KANK1: variants seen among roughly 807,000 people sequenced by gnomAD.
KANK1 encodes the protein KN motif and ankyrin repeat domain-containing protein 1.
Under a neutral mutation model 106.2 loss-of-function variants are expected in KANK1, and 109 were observed. The ratio of observed to expected loss-of-function variants is 1.03; its 90% confidence interval spans 0.88 to 1.20. The LOEUF (loss-of-function observed/expected upper bound fraction) is 1.20, where lower values mean the gene tolerates loss of function less well. KANK1 is among the 50% of genes most tolerant of loss of function. The pLI is 0.00. For synonymous variants in KANK1, 873 were observed against 652.2 expected (o/e 1.34, Z -5.16); for missense variants, 2,399 against 1,710.7 (o/e 1.40, Z -7.10).
intron 1 of KANK1, among the ~76,000 whole-genome samples, chr9:531,390 C>T (rs970399550): frequency 2.6e-5 from 4 of 152,102 alleles, no homozygotes; most frequent in African/African-American, 7.2e-5. Flanking sequence ...GTAATTGTAC[C>T]CCTACACTCC....
At chr9:516,102 C>G (rs2059267134) in intron 1 of KANK1, among the ~76,000 whole-genome samples, 1 of 151,494 alleles carries the variant, frequency 6.6e-6, no homozygotes, top group Non-Finnish European at 1.5e-5. Flanking sequence ...GATCAGGGGA[C>G]AGACACAAGG....
At chr9:590,427 CCAGA>C (rs745528552) in intron 1 of KANK1, among the ~76,000 whole-genome samples, 2 of 152,058 alleles carry the variant, frequency 1.3e-5, no homozygotes, top group Non-Finnish European at 2.9e-5. Flanking sequence ...TCCTCCTTTA[CCAGA>C]CAGTTTAGTG....
Position 515,578 on chromosome 9 carries a change from C to A in KANK1, c.-84+10824C>A, listed in dbSNP as rs2059246648. ...AAGGTATTTAAAGGATGAAACTGCT[C>A]ATACTGTATTACTCTTTCAACTTTT... On this transcript the variant is annotated intron_variant, in intron 1 of 11. Coordinates refer to ENST00000382297, the MANE Select transcript of KANK1 (RefSeq NM_015158.5). Among the ~76,000 whole-genome samples the A allele has an allele frequency of 2.0e-5, 3 of 151,848 alleles. No individual in the cohort carries two copies. The South Asian group carries it at 6.2e-4, about 31-fold the overall frequency.
At chr9:606,278 TGG>T (rs1554645616) in intron 1 of KANK1, among the ~76,000 whole-genome samples, 1 of 148,782 alleles carries the variant, frequency 6.7e-6, no homozygotes, top group Non-Finnish European at 1.5e-5. Context: ...CTGGGGGTGG[TGG>T]GGGCGGTGGC....
intron 1 of KANK1, among the ~76,000 whole-genome samples, chr9:567,994 G>GA (rs1185356290): frequency 1.4e-5 from 2 of 147,152 alleles, no homozygotes; most frequent in East Asian, 3.9e-4. Flanking sequence ...GGCATTGTTG[G>GA]TTTTTTTTTT....
At chr9:568,534 G>C (rs573075166) in intron 1 of KANK1, among the ~76,000 whole-genome samples, 3 of 152,248 alleles carry the variant, frequency 2.0e-5, no homozygotes, top group Middle Eastern at 3.4e-3. Context: ...CTGTTGCCCA[G>C]GTTGGAGTGC....
At chr9:491,594 A>G (rs1248851191) in intron 3 of KANK1, among the ~76,000 whole-genome samples, 1 of 152,088 alleles carries the variant, frequency 6.6e-6, no homozygotes, top group Non-Finnish European at 1.5e-5. Context: ...TAGCATGGTG[A>G]TAGTGGGCCT....
At chr9:550,193 A>T (rs921427314) in intron 1 of KANK1, among the ~76,000 whole-genome samples, 80 of 151,172 alleles carry the variant, frequency 5.3e-4, no homozygotes, top group African/African-American at 1.8e-3. Context: ...AGGTTCCCCC[A>T]CCCCAACCGC....
intron 1 of KANK1, among the ~76,000 whole-genome samples, chr9:569,282 T>C (rs745928045): frequency 6.6e-6 from 1 of 152,186 alleles, no homozygotes; most frequent in Non-Finnish European, 1.5e-5. Context: ...GGTTTGAATG[T>C]CCCATGTGAA....
rs181890139 is a variant in KANK1 at position 607,410 on chromosome 9, G to A, written c.-83-69480G>A. On this transcript the variant is annotated intron_variant, in intron 1 of 11. Transcript: ENST00000382297. ...TGAGGCAGGAGAATCGCTTGAATCC[G>A]GGAAGCAGAGGTTGCAGTGAGCCAA... Among the ~76,000 whole-genome samples, 221 of 150,340 alleles carry A rather than the reference G, an allele frequency of 1.5e-3. 9 individuals carry two copies. In the East Asian group the frequency reaches 0.038, roughly 26 times the overall value.
At chr9:739,458 C>A (rs971486725) in intron 8 of KANK1, among the ~76,000 whole-genome samples, 11 of 152,180 alleles carry the variant, frequency 7.2e-5, no homozygotes, top group African/African-American at 2.7e-4. Flanking sequence ...TTTATCCTTC[C>A]TTTCTCTTAT....
Position 732,522 on chromosome 9 carries a change from C to G in KANK1, c.3150C>G (p.His1050Gln). The change falls in exon 6 of 12, where the codon CAC becomes CAG. Residue 1050 changes from histidine to glutamine, a missense_variant. His to Gln is a conservative substitution (Grantham distance 24). Coordinates refer to ENST00000382297, the MANE Select transcript of KANK1 (RefSeq NM_015158.5). ...ACACTCGGGGAATGGCAGAAGGGCACCATGCAGTTAATATTGAAGGTTTGA... is the reference window on the plus strand; with the variant it reads ...ACACTCGGGGAATGGCAGAAGGGCAGCATGCAGTTAATATTGAAGGTTTGA... ...DEDTRGMAEG[H>Q]HAVNIEGLKS... 6.2e-7 allele frequency: 1 copy of G among 1,613,988 alleles called. No homozygotes were observed. Among genetic ancestry groups the G allele is most frequent in the Non-Finnish European group, 8.5e-7 (1 of 1,179,996 alleles).
Position 712,058 on chromosome 9 carries a change from T to C in KANK1, c.1292T>C (p.Val431Ala), listed in dbSNP as rs1458076149. Residue 431 changes from valine to alanine, a missense_variant, in exon 3 of 12, where the codon GTT (valine) becomes GCT (alanine). Physicochemically the swap from Val to Ala is moderately conservative, Grantham distance 64. Transcript: ENST00000382297. ...AAGGATGCAGCTGTAGGGACACTTG[T>C]TGAGATGAGAAATTGTGGGGTCAGC... is the stretch of plus-strand genomic sequence containing the variant. ...SCKDAAVGTL[V>A]EMRNCGVSVT... The C allele has an allele frequency of 3.1e-6, 5 of 1,613,948 alleles. No homozygotes were observed. The highest frequency in any genetic ancestry group is 4.2e-6 in the Non-Finnish European group (5 of 1,180,014).
chr9:711,020 T>C lies in KANK1; in HGVS notation c.254T>C (p.Ile85Thr). ...EPRTTSGQQG[I>T]WTSTESLSSS... ...AGGACCACATCTGGTCAGCAAGGTA[T>C]ATGGACTTCCACTGAATCCCTCTCA... The change falls in exon 3 of 12, where the codon ATA becomes ACA. Residue 85 changes from isoleucine to threonine, a missense_variant. Ile to Thr is a moderately conservative substitution (Grantham distance 89). Coordinates refer to ENST00000382297, the MANE Select transcript of KANK1 (RefSeq NM_015158.5). 2.5e-6 allele frequency: 4 copies of C among 1,614,202 alleles called. No homozygotes were observed. Among genetic ancestry groups the C allele is most frequent in the Non-Finnish European group, 2.5e-6 (3 of 1,180,030 alleles).
chr9:659,287 G>T (rs760160866), intron 1 of KANK1, among the ~76,000 whole-genome samples: 4 of 152,148 alleles, frequency 2.6e-5, no homozygotes, highest in Non-Finnish European at 5.9e-5. Flanking sequence ...GAGCCTTAGG[G>T]CATAATTTTT....
At chr9:654,618 C>T (rs1436003894) in intron 1 of KANK1, among the ~76,000 whole-genome samples, 1 of 152,000 alleles carries the variant, frequency 6.6e-6, no homozygotes, top group Non-Finnish European at 1.5e-5. Flanking sequence ...CCCTATGAGC[C>T]CATGAGCACC....
chr9:654,814 TGAGAGAGA>T (rs57089042), intron 1 of KANK1, among the ~76,000 whole-genome samples: 5,211 of 80,478 alleles, frequency 0.065, 303 homozygotes, highest in African/African-American at 0.13. Context: ...TGTGTGTGTG[TGAGAGAGA>T]GAGAGAGAGA....
In KANK1 at chr9:712,404, T is replaced by C. The variant is rs775313545; in HGVS notation, c.1638T>C (p.Ser546=). ...TCVGTSVETN[S]VGISCQPECK... ...TTGGGACCTCCGTGGAAACAAACAGTGTAGGCATCTCCTGCCAGCCTGAAT... is the reference window on the plus strand; with the variant it reads ...TTGGGACCTCCGTGGAAACAAACAGCGTAGGCATCTCCTGCCAGCCTGAAT... The change falls in exon 3 of 12, where the codon AGT becomes AGC. Residue 546 remains serine, a synonymous_variant. Coordinates refer to ENST00000382297, the MANE Select transcript of KANK1 (RefSeq NM_015158.5). 14 of 1,614,064 alleles carry C rather than the reference T, an allele frequency of 8.7e-6. No individual in the cohort carries two copies. The highest frequency in any genetic ancestry group is 1.1e-5 in the Non-Finnish European group (13 of 1,180,012).
intron 2 of KANK1, chr9:685,630 A>G (rs1340810117): frequency 2.0e-5 from 3 of 152,226 alleles, no homozygotes; most frequent in African/African-American, 7.2e-5. Context: ...TAAAGGAGGT[A>G]GTACTAGAGT....
Sources: gnomAD v4.1 joint callset for allele counts (sites outside exome capture counted in the v4.1 genomes callset) on GRCh38, gnomAD v4.1.1 for gene constraint, MANE v1.5 for transcripts, NCBI Gene and HGNC (gene_info 2026-07-23, HGNC 2026-07-21) for gene names.